EML6: variants seen among roughly 807,000 people sequenced by gnomAD.
EML6 encodes the protein echinoderm microtubule-associated protein-like 6.
A neutral mutation model predicts 240.1 loss-of-function variants in EML6; 154 were observed. The observed-to-expected ratio is 0.64, with a 90% CI of 0.56 to 0.73. The LOEUF is 0.73. Ranked by LOEUF, EML6 falls within the 30% of genes least tolerant of loss-of-function variation. The pLI, the probability that EML6 is intolerant of heterozygous loss-of-function variation, is 0.00. For missense variants in EML6, 2,964 were observed against 2,474.6 expected (o/e 1.20, Z -4.20); for synonymous variants, 1,148 against 899.0 (o/e 1.28, Z -4.95).
chr2:54,859,413 G>A (rs576239956), intron 11 of EML6, 121 bp from the exon 12 acceptor site: 16 of 748,714 alleles, frequency 2.1e-5, no homozygotes, highest in Middle Eastern at 3.4e-4. Flanking sequence ...ATGTAAGACG[G>A]AACATCGTTT....
intron 33 of EML6, 93 bp downstream of exon 33, chr2:54,958,091 GA>G: frequency 9.1e-7 from 1 of 1,104,410 alleles, no homozygotes; most frequent in Non-Finnish European, 1.3e-6. Context: ...CCAAGAGGCT[GA>G]AAACAGCAGG....
intron 2 of EML6, among the ~76,000 whole-genome samples, chr2:54,792,749 A>C (rs1422020704): frequency 2.0e-5 from 3 of 152,218 alleles, no homozygotes; most frequent in African/African-American, 7.2e-5. Flanking sequence ...TACTATGGGC[A>C]CTTTGGGATA....
Position 54,853,680 on chromosome 2 carries a change from G to A in EML6, c.1482G>A (p.Gly494=), listed in dbSNP as rs1428386106. The change falls in exon 11 of 42, where the codon GGG becomes GGA. Residue 494 remains glycine, a synonymous_variant. Transcript: ENST00000356458. ...KPLTSKEEIK[G]IPWASWTCVK... is the part of the protein sequence containing the mutation. ...TAACAAGTAAAGAAGAAATTAAAGG[G>A]ATTCCTTGGGCCTCCTGGACATGCG... The A allele has an allele frequency of 1.3e-6, 2 of 1,549,282 alleles. No individual in the cohort carries two copies. Among genetic ancestry groups the A allele is most frequent in the Non-Finnish European group, 1.7e-6 (2 of 1,145,674 alleles).
chr2:54,952,922 G>C (rs773731286), intron 31 of EML6, among the ~76,000 whole-genome samples: 1 of 152,122 alleles, frequency 6.6e-6, no homozygotes, highest in South Asian at 2.1e-4. Context: ...CCAAATAAAC[G>C]TTGGCCCCCA....
At position 54,959,229 on chromosome 2, in the gene EML6, T is replaced by C; in HGVS notation, c.4821T>C (p.Asp1607=). 1.3e-6 allele frequency: 2 copies of C among 1,550,308 alleles called. No individual in the cohort carries two copies. The highest frequency in any genetic ancestry group is 2.4e-5 in the South Asian group (2 of 83,776). ...PVFTMYTTLR[D]GLIVTGGKER... ...TCACAATGTACACAACCCTTCGGGATGGACTCATAGTGACCGGCGGAAAAG... is the reference window on the plus strand; with the variant it reads ...TCACAATGTACACAACCCTTCGGGACGGACTCATAGTGACCGGCGGAAAAG... The change falls in exon 34 of 42, where the codon GAT becomes GAC. Residue 1607 remains aspartate (D), a synonymous_variant. Coordinates refer to ENST00000356458, the MANE Select transcript of EML6 (RefSeq NM_001039753.4).
chr2:54,810,467 G>A (rs534417479), intron 2 of EML6, among the ~76,000 whole-genome samples: 8 of 152,232 alleles, frequency 5.3e-5, no homozygotes, highest in East Asian at 1.9e-4. Context: ...ACAACTGCTC[G>A]GAGCAGTGAT....
intron 2 of EML6, among the ~76,000 whole-genome samples, chr2:54,737,854 G>A (rs930353762): frequency 3.3e-5 from 5 of 152,102 alleles, no homozygotes; most frequent in South Asian, 4.1e-4. Flanking sequence ...TTACCTCTGC[G>A]ATCCAGTCTG....
At chr2:54,811,497 T>G (rs908730064) in intron 2 of EML6, among the ~76,000 whole-genome samples, 1 of 152,242 alleles carries the variant, frequency 6.6e-6, no homozygotes, top group African/African-American at 2.4e-5. Context: ...CTTTCTGTGT[T>G]ACTGTGTATG....
At chr2:54,757,511 TC>T (rs70944185) in intron 2 of EML6, among the ~76,000 whole-genome samples, 57,248 of 151,948 alleles carry the variant, frequency 0.38, 11,108 homozygotes, top group Middle Eastern at 0.48. Context: ...TGGCAAGTGT[TC>T]CAGGAGTAAA....
Position 54,813,281 on chromosome 2 carries a change from A to G in EML6, c.247A>G (p.Lys83Glu). 1 of 1,550,904 alleles carries G rather than the reference A, an allele frequency of 6.4e-7. No individual in the cohort carries two copies. Among genetic ancestry groups the G allele is most frequent in the Non-Finnish European group, 8.7e-7 (1 of 1,146,426 alleles). The change falls in exon 3 of 42, where the codon AAG (lysine) becomes GAG (glutamate). Residue 83 changes from lysine to glutamate, a missense_variant. By Grantham distance (56) the Lys-to-Glu change is moderately conservative. Coordinates refer to ENST00000356458, the MANE Select transcript of EML6 (RefSeq NM_001039753.4). The part of the protein sequence containing the change: ...KTLVATGQVG[K>E]EPYICIWDSY... ...TCTCGTTGCAACTGGCCAAGTCGGG[A>G]AGGAGCCATATATATGCATATGGGA... is the stretch of plus-strand genomic sequence containing the variant.
chr2:54,921,714 G>A (rs1674264488), intron 26 of EML6, among the ~76,000 whole-genome samples: 1 of 151,930 alleles, frequency 6.6e-6, no homozygotes, highest in African/African-American at 2.4e-5. Flanking sequence ...AAAATGTATG[G>A]TACTGACATA....
At chr2:54,885,396 G>T (rs1011557207) in intron 17 of EML6, among the ~76,000 whole-genome samples, 1 of 151,660 alleles carries the variant, frequency 6.6e-6, no homozygotes, top group Non-Finnish European at 1.5e-5. Context: ...GTAGTGAGCC[G>T]AGATCATGCC....
intron 21 of EML6, among the ~76,000 whole-genome samples, chr2:54,896,296 C>A (rs1164997013): frequency 2.6e-5 from 4 of 152,186 alleles, no homozygotes; most frequent in African/African-American, 9.7e-5. Context: ...TTACCTGCTC[C>A]CCACATGCCA....
At chr2:54,796,903 G>T (rs1317414002) in intron 2 of EML6, among the ~76,000 whole-genome samples, 1 of 151,892 alleles carries the variant, frequency 6.6e-6, no homozygotes, top group Non-Finnish European at 1.5e-5. Flanking sequence ...CCTTTAAAAA[G>T]GTAAGCTCTG....
rs966714741 is a variant in EML6, at chr2:54,968,218, C to T, written c.5688C>T (p.Asn1896=). The part of the protein sequence containing the change: ...NCACVTHAGL[N]IVTGDDFGLV... ...CATGTGTGACCCACGCTGGCCTGAA[C>T]ATTGTCACAGGAGATGACTTTGGGC... Residue 1896 remains asparagine, a synonymous_variant, in exon 40 of 42, where the codon AAC becomes AAT. Transcript: ENST00000356458. The T allele has an allele frequency of 3.0e-5, 46 of 1,551,638 alleles. No individual in the cohort carries two copies. The highest frequency in any genetic ancestry group is 1.1e-4 in the African/African-American group (8 of 73,054).
intron 7 of EML6, among the ~76,000 whole-genome samples, chr2:54,838,002 A>C (rs1669241640): frequency 6.6e-6 from 1 of 152,180 alleles, no homozygotes; most frequent in Non-Finnish European, 1.5e-5. Flanking sequence ...TTGGGAGAAA[A>C]GGCCATTTTC....
intron 24 of EML6, 72 bp from the exon 25 acceptor site, chr2:54,910,882 A>G (rs942890767): frequency 4.1e-6 from 3 of 730,388 alleles, no homozygotes; most frequent in East Asian, 2.7e-5. Flanking sequence ...AATAGCACCC[A>G]TGCTTCTCAT....
chr2:54,927,648 C>T (rs765342040), intron 26 of EML6, among the ~76,000 whole-genome samples: 1 of 152,176 alleles, frequency 6.6e-6, no homozygotes, highest in Non-Finnish European at 1.5e-5. Flanking sequence ...TCACATTCCA[C>T]CCTCCACCCG....
chr2:54,815,245 T>G (rs1668030270), intron 3 of EML6, among the ~76,000 whole-genome samples: 2 of 152,178 alleles, frequency 1.3e-5, no homozygotes, highest in Non-Finnish European at 2.9e-5. Context: ...TGGGGGTGGA[T>G]TGCATGGTAC....
Sources: gnomAD v4.1 joint callset for allele counts (sites outside exome capture counted in the v4.1 genomes callset) on GRCh38, gnomAD v4.1.1 for gene constraint, MANE v1.5 for transcripts, NCBI Gene and HGNC (gene_info 2026-07-23, HGNC 2026-07-21) for gene names.